NEDD4: variants seen among roughly 807,000 people sequenced by gnomAD.
NEDD4 encodes E3 ubiquitin-protein ligase NEDD4.
A neutral mutation model predicts 144.9 loss-of-function variants in NEDD4; 99 were observed. The observed-to-expected ratio is 0.68, with a 90% CI of 0.58 to 0.81. NEDD4 has a LOEUF of 0.81. NEDD4 is among the 30% of genes least tolerant of loss of function. The pLI, the probability that NEDD4 is intolerant of heterozygous loss-of-function variation, is 0.00. For missense variants in NEDD4, 985 were observed against 1,065.9 expected, an observed-to-expected ratio of 0.92 and a Z score of 1.06; for synonymous variants, 318 against 350.6, an observed-to-expected ratio of 0.91 and a Z score of 1.04.
At chr15:55,970,344 T>G (rs2037586832) in intron 1 of NEDD4, among the ~76,000 whole-genome samples, 1 of 152,174 alleles carries the variant, frequency 6.6e-6, no homozygotes, top group Admixed American at 6.5e-5. Flanking sequence ...GGGAACCTAC[T>G]GCACTGAAAA....
chr15:55,941,185 T>C (rs1028738434), intron 4 of NEDD4, among the ~76,000 whole-genome samples: 9 of 152,202 alleles, frequency 5.9e-5, no homozygotes, highest in African/African-American at 2.4e-5. Context: ...AGATCCATCC[T>C]TGGTTTTATT....
intron 9 of NEDD4, among the ~76,000 whole-genome samples, chr15:55,862,388 G>A (rs1236492574): frequency 1.3e-5 from 2 of 152,128 alleles, no homozygotes; most frequent in East Asian, 3.9e-4. Context: ...AAATCACTGA[G>A]GAGACAGAAG....
intron 5 of NEDD4, among the ~76,000 whole-genome samples, chr15:55,885,798 A>G (rs2035363240): frequency 6.6e-6 from 1 of 152,152 alleles, no homozygotes; most frequent in Non-Finnish European, 1.5e-5. Flanking sequence ...AAAAACTATA[A>G]AACAACCAGA....
rs186211946 is a variant in NEDD4, at chr15:55,948,588, A to G, written c.237+2788T>C. Among the ~76,000 whole-genome samples, 78 of 152,372 alleles carry G rather than the reference A, an allele frequency of 5.1e-4. 1 individual carries two copies. Among genetic ancestry groups the G allele is most frequent in the African/African-American group, 1.8e-3 (73 of 41,594 alleles). On this transcript the variant is annotated intron_variant, in intron 4 of 28. Coordinates refer to ENST00000435532, the MANE Select transcript of NEDD4 (RefSeq NM_006154.4). ...GCTACAGTAACCAAAACAGCATGGT[A>G]CTGGTATCAAAACAGAGATACAGAC...
chr15:55,990,684 T>G (rs1171529828), intron 1 of NEDD4, among the ~76,000 whole-genome samples: 1 of 152,162 alleles, frequency 6.6e-6, no homozygotes, highest in Admixed American at 6.5e-5. Context: ...TTAATTTCAA[T>G]GGAGTGTGGG....
chr15:55,954,242 C>G (rs1017314328), intron 2 of NEDD4, among the ~76,000 whole-genome samples: 2 of 152,142 alleles, frequency 1.3e-5, no homozygotes, highest in Non-Finnish European at 2.9e-5. Context: ...TACGACACAT[C>G]TCTTCTAGTG....
At chr15:55,830,839 A>T (rs1172272551) in intron 27 of NEDD4, among the ~76,000 whole-genome samples, 2 of 152,178 alleles carry the variant, frequency 1.3e-5, no homozygotes, top group Non-Finnish European at 2.9e-5. Flanking sequence ...AGCCAGGACT[A>T]CAGGTGTGCA....
chr15:55,926,087 C>T (rs1204998576), intron 4 of NEDD4, among the ~76,000 whole-genome samples: 1 of 151,694 alleles, frequency 6.6e-6, no homozygotes, highest in Non-Finnish European at 1.5e-5. Context: ...AATACATATA[C>T]ATACTGTACA....
chr15:55,960,276 C>T (rs2037404394), intron 2 of NEDD4, among the ~76,000 whole-genome samples: 1 of 152,154 alleles, frequency 6.6e-6, no homozygotes, highest in Non-Finnish European at 1.5e-5. Context: ...ACATTTGAAT[C>T]AGTGGACTGG....
At chr15:55,860,817 A>C (rs1176211699) in intron 9 of NEDD4, 39 bp from the exon 10 acceptor site, 2 of 1,535,280 alleles carry the variant, frequency 1.3e-6, no homozygotes, top group Non-Finnish European at 1.8e-6. Context: ...CCATGTCTTA[A>C]GTAGTTAAAA....
chr15:55,981,405 G>A (rs75434294), intron 1 of NEDD4, among the ~76,000 whole-genome samples: 24,195 of 151,732 alleles, frequency 0.16, 2,194 homozygotes, highest in Non-Finnish European at 0.21. Context: ...CATCACTTAC[G>A]GTGACCGTAT....
At chr15:55,841,592 CTT>C (rs1200976078) in intron 19 of NEDD4, among the ~76,000 whole-genome samples, 1 of 149,196 alleles carries the variant, frequency 6.7e-6, no homozygotes, top group African/African-American at 2.5e-5. Flanking sequence ...AAAATGGTAA[CTT>C]TTTTTTTTAG....
At chr15:55,879,106 G>T (rs1468984185) in intron 5 of NEDD4, among the ~76,000 whole-genome samples, 3 of 152,200 alleles carry the variant, frequency 2.0e-5, no homozygotes, top group African/African-American at 7.2e-5. Context: ...TTATAGGCAT[G>T]AGCCACAGTG....
intron 5 of NEDD4, among the ~76,000 whole-genome samples, chr15:55,898,889 A>G (rs1472655017): frequency 2.6e-5 from 4 of 151,968 alleles, no homozygotes; most frequent in African/African-American, 9.7e-5. Flanking sequence ...TGATCCTCCA[A>G]TCTCAGTCTC....
intron 2 of NEDD4, among the ~76,000 whole-genome samples, chr15:55,964,110 T>C (rs1353139870): frequency 6.6e-6 from 1 of 152,170 alleles, no homozygotes; most frequent in African/African-American, 2.4e-5. Context: ...ATTATCCTGC[T>C]TGGTGTTTTT....
chr15:55,901,817 A>G (rs1006420848), intron 5 of NEDD4, among the ~76,000 whole-genome samples: 1 of 152,106 alleles, frequency 6.6e-6, no homozygotes, highest in African/African-American at 2.4e-5. Context: ...CAACAATATA[A>G]GGTAGATAAT....
At chr15:55,888,966 C>G (rs1379875847) in intron 5 of NEDD4, among the ~76,000 whole-genome samples, 2 of 152,170 alleles carry the variant, frequency 1.3e-5, no homozygotes, top group Non-Finnish European at 2.9e-5. Context: ...GGATTAAACA[C>G]TTACATCTAA....
chr15:55,871,918 T>A (rs2034813001), intron 7 of NEDD4, among the ~76,000 whole-genome samples: 1 of 152,164 alleles, frequency 6.6e-6, no homozygotes, highest in Non-Finnish European at 1.5e-5. Context: ...TTGATAAACA[T>A]CAAGTAACTT....
chr15:55,869,520 T>C (rs1379444294), intron 8 of NEDD4, 59 bp downstream of exon 8: 2 of 929,498 alleles, frequency 2.2e-6, no homozygotes, highest in Non-Finnish European at 3.3e-6. Flanking sequence ...TTCTTCAGAG[T>C]ACAGTAAAAT....
Sources: allele counts gnomAD v4.1 joint callset (sites outside exome capture counted in the v4.1 genomes callset), GRCh38; gene constraint gnomAD v4.1.1; transcripts MANE v1.5; gene names NCBI Gene and HGNC (gene_info 2026-07-23, HGNC 2026-07-21).